The following TRMT9B variants were observed in gnomAD, a reference collection of about 807,000 sequenced individuals.
TRMT9B encodes probable tRNA methyltransferase 9B.
Under a neutral mutation model 11.5 loss-of-function variants are expected in TRMT9B, and 16 were observed. The observed-to-expected ratio is 1.39, with a 90% CI of 0.94 to 2.11. TRMT9B has a LOEUF of 2.11. Among genes scored for constraint, TRMT9B ranks in the 30% most tolerant of loss-of-function variants. The pLI is 0.00. For missense variants in TRMT9B, 941 were observed against 553.8 expected (o/e 1.70, Z -7.02); for synonymous variants, 274 against 192.4 (o/e 1.42, Z -3.51).
chr8:12,997,184 G>T (rs1238155794), intron 2 of TRMT9B, among the ~76,000 whole-genome samples: 1 of 152,136 alleles, frequency 6.6e-6, no homozygotes, highest in Non-Finnish European at 1.5e-5. Context: ...AATGTTGGAG[G>T]TGGGGACTAT....
intron 2 of TRMT9B, among the ~76,000 whole-genome samples, chr8:13,000,678 G>C (rs1809263085): frequency 6.6e-6 from 1 of 152,138 alleles, no homozygotes; most frequent in African/African-American, 2.4e-5. Context: ...TACCTCGTAA[G>C]CTTTACAAGT....
At chr8:12,986,423 A>G (rs1806317620) in intron 1 of TRMT9B, among the ~76,000 whole-genome samples, 1 of 152,200 alleles carries the variant, frequency 6.6e-6, no homozygotes, top group South Asian at 2.1e-4. Context: ...CCCTGTCTAG[A>G]AAGTGCTGCC....
At position 12,988,758 on chromosome 8, in the gene TRMT9B, G is replaced by A. The variant is rs1323886723; in HGVS notation, c.-199-2076G>A. On this transcript the variant is annotated intron_variant, in intron 1 of 4. Coordinates refer to ENST00000524591, the MANE Select transcript of TRMT9B (RefSeq NM_020844.3). Reference sequence around the variant, plus strand: ...GATGATGGGAACTACAATTCAAGATGAGATTTGGGTGGGGACACAGCCAAA... The same window carrying A: ...GATGATGGGAACTACAATTCAAGATAAGATTTGGGTGGGGACACAGCCAAA... 6.6e-5 allele frequency among the ~76,000 whole-genome samples: 10 copies of A among 152,226 alleles called. No homozygotes were observed. The East Asian group carries it at 1.7e-3, about 26-fold the overall frequency.
At chr8:12,990,732 C>G (rs770838212) in intron 1 of TRMT9B, 102 bp from the exon 2 acceptor site, 56 of 528,548 alleles carry the variant, frequency 1.1e-4, no homozygotes, top group Non-Finnish European at 1.4e-4. Flanking sequence ...CCCTACTTGG[C>G]TGGGTAATTT....
intron 1 of TRMT9B, among the ~76,000 whole-genome samples, chr8:12,980,770 A>G (rs963664387): frequency 2.6e-5 from 4 of 152,150 alleles, no homozygotes; most frequent in Non-Finnish European, 5.9e-5. Flanking sequence ...GTAGAGGAGA[A>G]AGGAAATTCC....
chr8:13,001,026 T>G (rs954528763), intron 2 of TRMT9B, among the ~76,000 whole-genome samples: 3 of 152,322 alleles, frequency 2.0e-5, no homozygotes, highest in Middle Eastern at 3.4e-3. Context: ...TATCATCTAC[T>G]AGACTTCCCC....
intron 2 of TRMT9B, among the ~76,000 whole-genome samples, chr8:12,997,606 A>G (rs35068060): frequency 6.6e-6 from 1 of 152,198 alleles, no homozygotes; most frequent in African/African-American, 2.4e-5. Context: ...ATTTCATTCT[A>G]TGAATATACC....
intron 3 of TRMT9B, among the ~76,000 whole-genome samples, chr8:13,008,047 AG>A (rs1198350073): frequency 1.3e-5 from 2 of 152,210 alleles, no homozygotes; most frequent in African/African-American, 4.8e-5. Flanking sequence ...CATTGTTTTT[AG>A]GGGAAATGTT....
At position 12,956,753 on chromosome 8, in the gene TRMT9B, T is replaced by C. The variant is rs1801369360; in HGVS notation, c.-200+10787T>C. On this transcript the variant is annotated intron_variant, in intron 1 of 4. Transcript: ENST00000524591. Reference sequence around the variant, plus strand: ...ATGCTCATTTTAAGGATTACAGAAATAGACATGACTTGTTTATTGGAGAAT... The same window carrying C: ...ATGCTCATTTTAAGGATTACAGAAACAGACATGACTTGTTTATTGGAGAAT... 2.0e-5 allele frequency among the ~76,000 whole-genome samples: 3 copies of C among 152,320 alleles called. No individual in the cohort carries two copies. In the South Asian group the frequency reaches 6.2e-4, roughly 32 times the overall value.
intron 1 of TRMT9B, among the ~76,000 whole-genome samples, chr8:12,952,968 G>C (rs1800823074): frequency 6.6e-6 from 1 of 152,268 alleles, no homozygotes; most frequent in South Asian, 2.1e-4. Context: ...TGGAACTCCT[G>C]ACCTCGTGAT....
At chr8:13,006,747 C>G in intron 3 of TRMT9B, 2 of 847,300 alleles carry the variant, frequency 2.4e-6, no homozygotes, top group East Asian at 7.8e-5. Flanking sequence ...CAGCTTGCTG[C>G]AAACTCCGCC....
rs1273993303 is a variant in TRMT9B, at chr8:13,023,491, A to G, written c.*1447A>G. 1.2e-5 allele frequency: 2 copies of G among 167,222 alleles called. No individual in the cohort carries two copies. The highest frequency in any genetic ancestry group is 3.8e-4 in the East Asian group (2 of 5,196). 10.4% of individuals were successfully genotyped at this position (167,222 alleles called of 1,614,324 possible). On this transcript the variant is annotated 3_prime_UTR_variant, in exon 5 of 5. Coordinates refer to ENST00000524591, the MANE Select transcript of TRMT9B (RefSeq NM_020844.3). ...CTTTGTAGAGAAACGAATAGACTGG[A>G]CACTGTGTGGTCACTGTTTAGATTT...
chr8:12,989,229 G>T lies in TRMT9B; in HGVS notation c.-199-1605G>T, dbSNP rs567106117. The stretch of plus-strand genomic sequence containing the variant: ...TGGCCTCCTGTTTAGTCAAAGAGAA[G>T]AGAAGAAGAAATGTGTTTCTTTCAA... On this transcript the variant is annotated intron_variant, in intron 1 of 4. Coordinates refer to ENST00000524591, the MANE Select transcript of TRMT9B (RefSeq NM_020844.3). Among the ~76,000 whole-genome samples the T allele has an allele frequency of 1.1e-4, 16 of 152,290 alleles. No homozygotes were observed. The East Asian group carries it at 3.1e-3, about 29-fold the overall frequency.
Position 13,028,312 on chromosome 8 carries a change from T to C in TRMT9B, c.*6268T>C. ...AGCTGTTTGTCAAATTGGATCTTCA[T>C]TTGACAAATAAATACTAGAGCTGCA... On this transcript the variant is annotated 3_prime_UTR_variant, in exon 5 of 5. Transcript: ENST00000524591. The C allele has an allele frequency of 2.4e-5, 4 of 167,184 alleles. No individual in the cohort carries two copies. 10.4% of individuals were successfully genotyped at this position (167,184 alleles called of 1,614,324 possible). A position where few individuals can be genotyped will look rare whatever the true frequency, so the allele number is the denominator to read the frequency against.
chr8:12,982,189 A>G (rs1272689137), intron 1 of TRMT9B, among the ~76,000 whole-genome samples: 2 of 152,014 alleles, frequency 1.3e-5, no homozygotes, highest in African/African-American at 2.4e-5. Context: ...GGACTGTGCA[A>G]TCTGCAAGAG....
intron 1 of TRMT9B, among the ~76,000 whole-genome samples, chr8:12,984,754 C>T (rs971065743): frequency 2.6e-5 from 4 of 152,094 alleles, no homozygotes; most frequent in Admixed American, 6.6e-5. Context: ...TCTTCACTCT[C>T]GTGTTTGATT....
chr8:13,010,093 G>C (rs993121008), intron 3 of TRMT9B, among the ~76,000 whole-genome samples: 2 of 151,292 alleles, frequency 1.3e-5, no homozygotes. Flanking sequence ...AGCCGAGATG[G>C]TGCCACTGCA....
intron 3 of TRMT9B, among the ~76,000 whole-genome samples, chr8:13,008,268 T>G (rs1451034541): frequency 1.3e-5 from 2 of 152,234 alleles, no homozygotes. Context: ...CATCCCAGCC[T>G]TCTTATGTTC....
chr8:13,021,732 T>C lies in TRMT9B; in HGVS notation c.1053T>C (p.Asp351=), dbSNP rs751340384. ...GAAATGGAGGGGGAAATTTTCTGGA[T>C]AGCACTAATACTGGTGTGAATTGTG... is the stretch of plus-strand genomic sequence containing the variant. ...MRRNGGGNFL[D]STNTGVNCVD... is the part of the protein sequence containing the mutation. The change falls in exon 5 of 5, where the codon GAT becomes GAC. Residue 351 remains aspartate, a synonymous_variant. Coordinates refer to ENST00000524591, the MANE Select transcript of TRMT9B (RefSeq NM_020844.3). The C allele has an allele frequency of 9.3e-6, 15 of 1,613,966 alleles. No individual in the cohort carries two copies. Among genetic ancestry groups the C allele is most frequent in the Non-Finnish European group, 1.3e-5 (15 of 1,179,890 alleles).
Sources: allele counts gnomAD v4.1 joint callset (sites outside exome capture counted in the v4.1 genomes callset), GRCh38; gene constraint gnomAD v4.1.1; transcripts MANE v1.5; gene names NCBI Gene and HGNC (gene_info 2026-07-23, HGNC 2026-07-21).